The following SAFB variants were observed in gnomAD, a reference collection of about 807,000 sequenced individuals.
The protein encoded by SAFB is scaffold attachment factor B, also known as scaffold attachment factor B1.
A neutral mutation model predicts 101.6 loss-of-function variants in SAFB; 15 were observed. The observed-to-expected ratio is 0.15, with a 90% CI of 0.10 to 0.23. The LOEUF is 0.23. Ranked by LOEUF, SAFB falls within the 10% of genes least tolerant of loss-of-function variation. SAFB has a pLI of 1.00. For missense variants in SAFB, 930 were observed against 1,104.1 expected, an observed-to-expected ratio of 0.84 and a Z score of 2.23; for synonymous variants, 449 against 407.5, an observed-to-expected ratio of 1.10 and a Z score of -1.23.
rs892701279 is a variant in SAFB at position 5,653,938 on chromosome 19, A to G, written c.1527-123A>G. ...GTGGTTTTAGTAGAGATGGGGTTTC[A>G]CCATGTTGGCCAGGCTGGTCTCGAA... On this transcript the variant is annotated intron_variant, in intron 11 of 20. Transcript: ENST00000588852. 4 of 775,174 alleles carry G rather than the reference A, an allele frequency of 5.2e-6. No homozygotes were observed. In the African/African-American group the frequency reaches 7.0e-5, roughly 14 times the overall value. The allele number at this position is 775,174 out of a possible 1,614,324, so 48.0% of individuals were successfully genotyped here. A position where few individuals can be genotyped will look rare whatever the true frequency, so the allele number is the denominator to read the frequency against.
intron 9 of SAFB, among the ~76,000 whole-genome samples, chr19:5,651,343 C>T (rs909221024): frequency 1.3e-5 from 2 of 152,182 alleles, no homozygotes; most frequent in African/African-American, 2.4e-5. Flanking sequence ...GTCCTCAGGA[C>T]GTCGCACTCA....
At chr19:5,660,310 CT>C (rs578193077) in intron 14 of SAFB, among the ~76,000 whole-genome samples, 725 of 66,310 alleles carry the variant, frequency 0.011, 4 homozygotes, top group Middle Eastern at 0.028. Flanking sequence ...CACTGAGGTG[CT>C]TTTTTTTTTT....
rs61760907 is a variant in SAFB at position 5,641,758 on chromosome 19, C to T, written c.358C>T (p.Leu120=). The change falls in exon 4 of 21, where the codon CTG becomes TTG. Residue 120 remains leucine, a synonymous_variant. Coordinates refer to ENST00000588852, the MANE Select transcript of SAFB (RefSeq NM_001201338.2). ...GDGQEDVETS[L]ENLQDIDIMD... ...GTCACAGGAGGATGTTGAGACCAGTCTGGAGAACTTGCAGGACATCGACAT... is the reference window on the plus strand; with the variant it reads ...GTCACAGGAGGATGTTGAGACCAGTTTGGAGAACTTGCAGGACATCGACAT... 1.2e-6 allele frequency: 2 copies of T among 1,613,918 alleles called. No individual in the cohort carries two copies. The highest frequency in any genetic ancestry group is 1.7e-6 in the Non-Finnish European group (2 of 1,180,036).
chr19:5,638,627 A>AT (rs752176226), intron 2 of SAFB, among the ~76,000 whole-genome samples: 79 of 150,548 alleles, frequency 5.2e-4, no homozygotes, highest in Non-Finnish European at 1.6e-4. Flanking sequence ...CCAGCCTAAA[A>AT]TTACTAAACT....
rs140739982 is a variant in SAFB, at chr19:5,661,531, C to T, written c.1876C>T (p.Arg626Cys). ...ACTGTTGTGCAGCAGGGTGCGTGAA[C>T]GCAGTGAACGCGAACAACGCATGCA... ...DSESHSRVRERSEREQRMQAQ... is the reference protein window; with the variant it reads ...DSESHSRVRECSEREQRMQAQ... Residue 626 changes from arginine to cysteine, a missense_variant, in exon 15 of 21, where the codon CGC becomes TGC. Physicochemically the swap from Arg to Cys is radical, Grantham distance 180. Transcript: ENST00000588852. The T allele has an allele frequency of 4.3e-6, 7 of 1,612,666 alleles. No homozygotes were observed. The highest frequency in any genetic ancestry group is 5.1e-6 in the Non-Finnish European group (6 of 1,179,768).
Position 5,641,722 on chromosome 19 carries a change from G to A in SAFB, c.340-18G>A. ...ACCAGTGGCGGTCACATGATGGTTC[G>A]GTCTGGTTGTGTCACAGGAGGATGT... On this transcript the variant is annotated intron_variant, in intron 3 of 20. Coordinates refer to ENST00000588852, the MANE Select transcript of SAFB (RefSeq NM_001201338.2). 6.2e-7 allele frequency: 1 copy of A among 1,613,724 alleles called. No individual in the cohort carries two copies. Among genetic ancestry groups the A allele is most frequent in the Non-Finnish European group, 8.5e-7 (1 of 1,179,718 alleles).
intron 11 of SAFB, 85 bp from the exon 12 acceptor site, chr19:5,653,976 T>A: frequency 7.6e-7 from 1 of 1,323,262 alleles, no homozygotes; most frequent in Non-Finnish European, 1.1e-6. Flanking sequence ...CCCGGTCTCA[T>A]GTGATCCGCC....
intron 1 of SAFB, among the ~76,000 whole-genome samples, chr19:5,625,101 G>A (rs1375353016): frequency 6.6e-6 from 1 of 152,070 alleles, no homozygotes; most frequent in Non-Finnish European, 1.5e-5. Flanking sequence ...TTCAAGATGT[G>A]GTCCCAAAAC....
chr19:5,650,836 T>A, intron 8 of SAFB, 142 bp from the exon 9 acceptor site: 1 of 595,832 alleles, frequency 1.7e-6, no homozygotes, highest in African/African-American at 1.9e-5. Context: ...AGGATAGTGG[T>A]CAGGCCCACA....
At chr19:5,642,469 C>CAA (rs11366187) in intron 4 of SAFB, among the ~76,000 whole-genome samples, 16 of 139,150 alleles carry the variant, frequency 1.1e-4, no homozygotes, top group African/African-American at 2.6e-4. Flanking sequence ...AACAAACAAA[C>CAA]AAAAAAAAAA....
intron 9 of SAFB, 117 bp from the exon 10 acceptor site, chr19:5,652,998 C>T: frequency 1.0e-6 from 1 of 979,714 alleles, no homozygotes; most frequent in Non-Finnish European, 1.5e-6. Flanking sequence ...CATTGTCCTC[C>T]CCAGTCTAAC....
intron 4 of SAFB, 39 bp downstream of exon 4, chr19:5,641,985 G>C (rs771702768): frequency 6.7e-7 from 1 of 1,501,074 alleles, no homozygotes; most frequent in Non-Finnish European, 9.3e-7. Context: ...TGCCCTGAAT[G>C]TATCAGTTCC....
At chr19:5,646,728 A>T (rs920523187) in intron 5 of SAFB, among the ~76,000 whole-genome samples, 10 of 152,174 alleles carry the variant, frequency 6.6e-5, no homozygotes, top group African/African-American at 2.4e-4. Context: ...TAATTCAGTC[A>T]CACCTACTTA....
intron 2 of SAFB, among the ~76,000 whole-genome samples, chr19:5,638,302 T>A (rs1224070784): frequency 6.6e-6 from 1 of 152,170 alleles, no homozygotes; most frequent in Non-Finnish European, 1.5e-5. Context: ...TCACATTTTT[T>A]AAAATTACTA....
intron 2 of SAFB, among the ~76,000 whole-genome samples, chr19:5,627,836 A>G (rs542561490): frequency 4.0e-4 from 61 of 152,248 alleles, no homozygotes; most frequent in South Asian, 6.2e-4. Flanking sequence ...CCTTGGTTTA[A>G]TATTTATGTC....
chr19:5,661,884 G>GTT, intron 15 of SAFB, 76 bp downstream of exon 15: 1 of 966,088 alleles, frequency 1.0e-6, no homozygotes, highest in Non-Finnish European at 1.5e-6. Flanking sequence ...GTTAGCTTGA[G>GTT]ATTTTTTTTT....
At chr19:5,624,751 C>G (rs1244747461) in intron 1 of SAFB, among the ~76,000 whole-genome samples, 3 of 151,190 alleles carry the variant, frequency 2.0e-5, no homozygotes, top group African/African-American at 7.3e-5. Context: ...TTGTCTCGGC[C>G]AGAGTCACAT....
In SAFB at chr19:5,635,593, T is replaced by A. The variant is rs560817075; in HGVS notation, c.275-6001T>A. Among the ~76,000 whole-genome samples the A allele has an allele frequency of 1.3e-5, 2 of 152,242 alleles. 1 individual carries two copies. The highest frequency in any genetic ancestry group is 4.1e-4 in the South Asian group (2 of 4,830). Reference sequence around the variant, plus strand: ...GTATATTTGCATAATTAGGGAAGTGTGTTTGTGTAATCAAATCAGAAAGTA... The same window carrying A: ...GTATATTTGCATAATTAGGGAAGTGAGTTTGTGTAATCAAATCAGAAAGTA... On this transcript the variant is annotated intron_variant, in intron 2 of 20. Transcript: ENST00000588852.
chr19:5,624,893 G>T (rs1051193346), intron 1 of SAFB, among the ~76,000 whole-genome samples: 3 of 152,084 alleles, frequency 2.0e-5, no homozygotes, highest in Non-Finnish European at 4.4e-5. Context: ...GGCTGGTCAG[G>T]TGTGGTGCCC....
Sources: allele counts gnomAD v4.1 joint callset (sites outside exome capture counted in the v4.1 genomes callset), GRCh38; gene constraint gnomAD v4.1.1; transcripts MANE v1.5; gene names NCBI Gene and HGNC (gene_info 2026-07-23, HGNC 2026-07-21).